NAALADL2: variants seen among roughly 807,000 people sequenced by gnomAD.
The protein encoded by NAALADL2 is inactive N-acetylated-alpha-linked acidic dipeptidase-like protein 2.
In NAALADL2, 76 loss-of-function variants were observed where a neutral mutation model predicts 87.2. The observed-to-expected ratio is 0.87, with a 90% confidence interval of 0.72 to 1.05. The LOEUF (loss-of-function observed/expected upper bound fraction) is 1.05. NAALADL2 is among the 50% of genes least tolerant of loss of function. The pLI is 0.00. For synonymous variants in NAALADL2, 354 were observed against 331.0 expected, an observed-to-expected ratio of 1.07 and a Z score of -0.75; for missense variants, 1,089 against 945.8, an observed-to-expected ratio of 1.15 and a Z score of -1.99.
At chr3:174,548,603 A>G (rs771698555) in intron 1 of NAALADL2, among the ~76,000 whole-genome samples, 14 of 152,170 alleles carry the variant, frequency 9.2e-5, no homozygotes, top group Non-Finnish European at 1.6e-4. Flanking sequence ...AGTAAGGCTA[A>G]GTGTTGTTTG....
At chr3:175,764,216 T>C (rs1440973660) in intron 13 of NAALADL2, among the ~76,000 whole-genome samples, 1 of 151,906 alleles carries the variant, frequency 6.6e-6, no homozygotes, top group Non-Finnish European at 1.5e-5. Context: ...TTTTCATTCT[T>C]ATGTATGGTA....
intron 1 of NAALADL2, among the ~76,000 whole-genome samples, chr3:174,900,423 C>G (rs1202628863): frequency 1.3e-5 from 2 of 151,930 alleles, no homozygotes; most frequent in Non-Finnish European, 2.9e-5. Flanking sequence ...ATAGAGTACA[C>G]TGGTGGTAGT....
intron 1 of NAALADL2, among the ~76,000 whole-genome samples, chr3:174,873,942 C>T (rs1043514628): frequency 6.6e-6 from 1 of 151,882 alleles, no homozygotes; most frequent in East Asian, 1.9e-4. Flanking sequence ...GAATAAGAAA[C>T]CAGTTGTACA....
chr3:174,513,590 T>C (rs1186570502), intron 1 of NAALADL2: 1 of 152,234 alleles, frequency 6.6e-6, no homozygotes, highest in African/African-American at 2.4e-5. Flanking sequence ...GAATTTCATA[T>C]TGTCAATATT....
At chr3:175,749,447 A>C (rs1746353868) in intron 12 of NAALADL2, among the ~76,000 whole-genome samples, 1 of 152,152 alleles carries the variant, frequency 6.6e-6, no homozygotes, top group South Asian at 2.1e-4. Flanking sequence ...AAGATCAAGG[A>C]GCTGGCAGGT....
chr3:175,451,697 G>A (rs1721599061), intron 6 of NAALADL2, among the ~76,000 whole-genome samples: 1 of 151,928 alleles, frequency 6.6e-6, no homozygotes. Flanking sequence ...AAAAATAATT[G>A]TTTACATGTT....
chr3:175,021,562 C>G (rs1751566541), intron 1 of NAALADL2, among the ~76,000 whole-genome samples: 1 of 152,006 alleles, frequency 6.6e-6, no homozygotes, highest in African/African-American at 2.4e-5. Flanking sequence ...CCCTCTTTCC[C>G]CTCAAGTGTT....
intron 4 of NAALADL2, among the ~76,000 whole-genome samples, chr3:175,285,241 C>T (rs1754838536): frequency 6.6e-6 from 1 of 152,006 alleles, no homozygotes; most frequent in African/African-American, 2.4e-5. Context: ...GAATTTTCCC[C>T]AGAAATATTG....
chr3:175,801,512 CA>C (rs1754144081), intron 13 of NAALADL2, among the ~76,000 whole-genome samples: 1 of 152,074 alleles, frequency 6.6e-6, no homozygotes, highest in Non-Finnish European at 1.5e-5. Context: ...ATTCCTTCTG[CA>C]TAGGATGCTG....
intron 1 of NAALADL2, among the ~76,000 whole-genome samples, chr3:174,945,280 T>C (rs996083892): frequency 1.8e-4 from 28 of 152,212 alleles, no homozygotes; most frequent in Non-Finnish European, 3.5e-4. Context: ...CTGGTATCAC[T>C]ACTTGACAGA....
At position 174,538,534 on chromosome 3, in the gene NAALADL2, T is replaced by C. The variant is rs142562983; in HGVS notation, c.-183-12035T>C. Among the ~76,000 whole-genome samples the C allele has an allele frequency of 3.3e-3, 507 of 152,260 alleles. 2 individuals are homozygous for C. The highest frequency in any genetic ancestry group is 0.011 in the African/African-American group (470 of 41,560). On this transcript the variant is annotated intron_variant, in intron 1 of 3. Coordinates refer to the NAALADL2 transcript ENST00000434257. ...ATTTTGAAATGACTCTGCAAAGCTG[T>C]CCCTAATGGGACAGAAGGGGAAAGG...
intron 9 of NAALADL2, among the ~76,000 whole-genome samples, chr3:175,524,730 AG>A (rs1341104705): frequency 6.6e-6 from 1 of 152,172 alleles, no homozygotes; most frequent in African/African-American, 2.4e-5. Context: ...CAGACACTGA[AG>A]ATATAAACAT....
chr3:175,418,895 A>C (rs1258905726), intron 5 of NAALADL2, among the ~76,000 whole-genome samples: 1 of 152,054 alleles, frequency 6.6e-6, no homozygotes, highest in Non-Finnish European at 1.5e-5. Flanking sequence ...AGACACTTGA[A>C]TTTTGAACAG....
At chr3:174,526,450 T>C (rs1167319129) in intron 1 of NAALADL2, among the ~76,000 whole-genome samples, 2 of 152,212 alleles carry the variant, frequency 1.3e-5, no homozygotes, top group African/African-American at 4.8e-5. Flanking sequence ...TTATAAAGAA[T>C]TGCTTTGACT....
chr3:174,682,412 G>A (rs1578530588), intron 2 of NAALADL2, among the ~76,000 whole-genome samples: 1 of 151,912 alleles, frequency 6.6e-6, no homozygotes, highest in East Asian at 1.9e-4. Flanking sequence ...AGTGAACTTA[G>A]GTGATAGCCA....
At chr3:175,181,457 G>A (rs1323476496) in intron 2 of NAALADL2, among the ~76,000 whole-genome samples, 4 of 151,200 alleles carry the variant, frequency 2.6e-5, no homozygotes, top group Non-Finnish European at 4.4e-5. Context: ...CCCTTTGATC[G>A]ACATCTCCCA....
intron 11 of NAALADL2, among the ~76,000 whole-genome samples, chr3:175,669,061 C>T (rs766906572): frequency 3.9e-5 from 6 of 152,050 alleles, no homozygotes; most frequent in Non-Finnish European, 8.8e-5. Flanking sequence ...GAACAGATTA[C>T]TCTATTGTGG....
chr3:174,489,224 A>G (rs1244708714), intron 1 of NAALADL2, among the ~76,000 whole-genome samples: 1 of 152,094 alleles, frequency 6.6e-6, no homozygotes, highest in African/African-American at 2.4e-5. Context: ...TGGTGCCAAA[A>G]CAATTTAATG....
At chr3:175,631,590 G>T (rs572959282) in intron 11 of NAALADL2, among the ~76,000 whole-genome samples, 37 of 151,972 alleles carry the variant, frequency 2.4e-4, no homozygotes, top group African/African-American at 7.7e-4. Context: ...ATGACAGTCA[G>T]GTGGTACAGT....
Sources: gnomAD v4.1 joint callset for allele counts (sites outside exome capture counted in the v4.1 genomes callset) on GRCh38, gnomAD v4.1.1 for gene constraint, MANE v1.5 for transcripts, NCBI Gene and HGNC (gene_info 2026-07-23, HGNC 2026-07-21) for gene names.